ZNF274: variants seen among roughly 807,000 people sequenced by gnomAD.
The protein encoded by ZNF274 is zinc finger protein 274, also known as neurotrophin receptor-interacting factor homolog.
A neutral mutation model predicts 42.5 loss-of-function variants in ZNF274; 23 were observed. That is an observed-to-expected ratio of 0.54 (90% CI 0.39 to 0.77). The LOEUF (loss-of-function observed/expected upper bound fraction) is 0.77, where lower values mean the gene tolerates loss of function less well. Ranked by LOEUF, ZNF274 falls within the 30% of genes least tolerant of loss-of-function variation. The probability of loss-of-function intolerance (pLI) is 0.00; values close to 1 mark genes in which losing one functional copy is unlikely to be tolerated. For synonymous variants in ZNF274, 292 were observed against 305.4 expected (o/e 0.96, Z 0.46); for missense variants, 679 against 806.5 (o/e 0.84, Z 1.91).
chr19:58,184,426 G>C (rs2075671747), intron 2 of ZNF274: 1 of 159,340 alleles, frequency 6.3e-6, no homozygotes, highest in Non-Finnish European at 1.4e-5. Context: ...GAGTAGCTGG[G>C]ACTACAGGCG....
At chr19:58,205,300 AAAGT>A (rs2075968562) in intron 4 of ZNF274, among the ~76,000 whole-genome samples, 1 of 152,224 alleles carries the variant, frequency 6.6e-6, no homozygotes, top group Non-Finnish European at 1.5e-5. Context: ...ACAAATATCA[AAAGT>A]AAGTCATAAT....
chr19:58,188,491 G>C (rs1033104515), intron 4 of ZNF274, among the ~76,000 whole-genome samples: 11 of 150,590 alleles, frequency 7.3e-5, no homozygotes, highest in African/African-American at 2.7e-4. Flanking sequence ...CATGGTGGGT[G>C]CCTGTAATCC....
chr19:58,204,681 G>A (rs2075961408), intron 4 of ZNF274, among the ~76,000 whole-genome samples: 1 of 152,166 alleles, frequency 6.6e-6, no homozygotes, highest in Non-Finnish European at 1.5e-5. Context: ...AAGTAGTGCA[G>A]GTTTTACTGC....
chr19:58,198,675 TC>T (rs2075872146), intron 4 of ZNF274, among the ~76,000 whole-genome samples: 1 of 152,148 alleles, frequency 6.6e-6, no homozygotes, highest in Non-Finnish European at 1.5e-5. Context: ...CTGGTCCAGT[TC>T]CTGACACAGT....
chr19:58,197,604 G>A (rs1451130504), intron 4 of ZNF274, among the ~76,000 whole-genome samples: 1 of 152,172 alleles, frequency 6.6e-6, no homozygotes, highest in Non-Finnish European at 1.5e-5. Context: ...AGTACATAAC[G>A]TTGAGTGAAT....
At position 58,210,088 on chromosome 19, in the gene ZNF274, T is replaced by G; in HGVS notation, c.852+15T>G. On this transcript the variant is annotated intron_variant, in intron 6 of 7. Coordinates refer to ENST00000617501, the MANE Select transcript of ZNF274 (RefSeq NM_133502.3). ...TGCTCCCTGAGGTAAGCGGGGAGTA[T>G]CACCCTGTTTTGGTCACAGCATCTC... 6.2e-7 allele frequency: 1 copy of G among 1,608,190 alleles called. No homozygotes were observed. Among genetic ancestry groups the G allele is most frequent in the Non-Finnish European group, 8.5e-7 (1 of 1,175,360 alleles).
intron 2 of ZNF274, chr19:58,184,519 G>C: frequency 6.4e-6 from 1 of 156,118 alleles, no homozygotes; most frequent in South Asian, 1.7e-4. Context: ...CACCATGTTG[G>C]CCAGGCTGGT....
At chr19:58,203,458 C>T (rs1168282247) in intron 4 of ZNF274, among the ~76,000 whole-genome samples, 2 of 151,996 alleles carry the variant, frequency 1.3e-5, no homozygotes, top group Non-Finnish European at 1.5e-5. Context: ...GCGGTGGGCG[C>T]CTGTAATCCC....
intron 4 of ZNF274, among the ~76,000 whole-genome samples, chr19:58,198,859 G>A (rs1486459322): frequency 7.4e-6 from 1 of 134,702 alleles, no homozygotes; most frequent in African/African-American, 2.8e-5. Context: ...TCTGAGTACT[G>A]CCCTGAGCAG....
intron 4 of ZNF274, among the ~76,000 whole-genome samples, chr19:58,194,989 A>G (rs561278180): frequency 6.7e-4 from 101 of 151,660 alleles, no homozygotes; most frequent in Non-Finnish European, 1.2e-3. Context: ...CGACAGAGTG[A>G]GACTCCATGT....
rs1332003433 is a variant in ZNF274, at chr19:58,207,673, A to G, written c.739+471A>G. Among the ~76,000 whole-genome samples, 1 of 152,128 alleles carries G rather than the reference A, an allele frequency of 6.6e-6. No individual in the cohort carries two copies. Among genetic ancestry groups the G allele is most frequent in the Non-Finnish European group, 1.5e-5 (1 of 68,026 alleles). On this transcript the variant is annotated intron_variant, in intron 5 of 7. Transcript: ENST00000617501. This position sits in a 1 kb window ranked among gnomAD's most constrained non-coding sequence, Gnocchi z 5.6. ...GCCAGGGTAAAGAAAGGGGGCAGGA[A>G]AGATGTGCCATGCAGAGGGGAGCAC...
rs546292226 is a variant in ZNF274 at position 58,213,410 on chromosome 19, A to G, written c.*267A>G. On this transcript the variant is annotated 3_prime_UTR_variant, in exon 8 of 8. Coordinates refer to ENST00000617501, the MANE Select transcript of ZNF274 (RefSeq NM_133502.3). ...CATTTAGTCATTAAAAGTGAGATTA[A>G]TAAAATCTGAAAATGTTATATAATA... 126 of 390,236 alleles carry G rather than the reference A, an allele frequency of 3.2e-4. 1 individual carries two copies. Among genetic ancestry groups the G allele is most frequent in the African/African-American group, 2.3e-3 (117 of 49,824 alleles). 24.2% of individuals were successfully genotyped at this position (390,236 alleles called of 1,614,324 possible). A position where few individuals can be genotyped will look rare whatever the true frequency, so the allele number is the denominator to read the frequency against.
rs565686807 is a variant in ZNF274, at chr19:58,212,416, T to C, written c.1235T>C (p.Leu412Pro). 5.0e-6 allele frequency: 8 copies of C among 1,612,828 alleles called. No individual in the cohort carries two copies. Among genetic ancestry groups the C allele is most frequent in the Non-Finnish European group, 6.8e-6 (8 of 1,179,330 alleles). The change falls in exon 8 of 8, where the codon CTT becomes CCT. Residue 412 changes from leucine (L) to proline (P), a missense_variant. Leu to Pro is a moderately conservative substitution (Grantham distance 98). This residue lies in a region of ZNF274 where 456 missense variants were observed against 590.1 expected (regional missense o/e 0.77). Transcript: ENST00000617501. This position sits in a 1 kb window ranked among gnomAD's most constrained non-coding sequence, Gnocchi z 4.6. Reference protein sequence around the residue: ...NRESQANSGALDTNQVSLQKI... With the variant: ...NRESQANSGAPDTNQVSLQKI... ...GAGTCCCAGGCAAACAGTGGTGCTC[T>C]TGACACAAACCAAGTTTCGCTCCAG...
chr19:58,190,210 C>T (rs1600135759), intron 4 of ZNF274, among the ~76,000 whole-genome samples: 1 of 144,964 alleles, frequency 6.9e-6, no homozygotes, highest in Admixed American at 7.0e-5. Flanking sequence ...TAGGGCAGTG[C>T]GATCTCAGCT....
chr19:58,190,174 G>A (rs1600135710), intron 4 of ZNF274, among the ~76,000 whole-genome samples: 1 of 130,690 alleles, frequency 7.7e-6, no homozygotes, highest in Non-Finnish European at 1.6e-5. Flanking sequence ...TTTTTGAGAT[G>A]GAGTCTCCCT....
intron 4 of ZNF274, among the ~76,000 whole-genome samples, chr19:58,187,373 G>A (rs534165007): frequency 6.6e-6 from 1 of 152,328 alleles, no homozygotes; most frequent in Non-Finnish European, 1.5e-5. Flanking sequence ...AGGCTTACGT[G>A]AATGTATGTG....
rs936680018 is a variant in ZNF274 at position 58,202,330 on chromosome 19, A to G, written c.257-4390A>G. On this transcript the variant is annotated intron_variant, in intron 4 of 7. Transcript: ENST00000617501. ...GGTAGAAGTATCCTGAGAGAAGAAA[A>G]TAGTGTCAAGAGGGAGAAAGCAGCA... 3 of 152,310 alleles carry G rather than the reference A, an allele frequency of 2.0e-5. No homozygotes were observed. The East Asian group carries it at 5.8e-4, about 29-fold the overall frequency. 9.4% of individuals were successfully genotyped at this position (152,310 alleles called of 1,614,324 possible). A position where few individuals can be genotyped will look rare whatever the true frequency, so the allele number is the denominator to read the frequency against.
intron 2 of ZNF274, among the ~76,000 whole-genome samples, chr19:58,185,010 C>T (rs1415070724): frequency 6.6e-6 from 1 of 151,486 alleles, no homozygotes. Context: ...GTCCCAGCTA[C>T]TCGGGAGGCT....
Position 58,207,491 on chromosome 19 carries a change from A to T in ZNF274, c.739+289A>T, listed in dbSNP as rs1316387624. Among the ~76,000 whole-genome samples the T allele has an allele frequency of 1.3e-5, 2 of 152,222 alleles. No individual in the cohort carries two copies. The highest frequency in any genetic ancestry group is 2.9e-5 in the Non-Finnish European group (2 of 68,042). On this transcript the variant is annotated intron_variant, in intron 5 of 7. Transcript: ENST00000617501. The surrounding 1 kb of genome is among the most constrained non-coding windows in gnomAD (Gnocchi z 5.6). ...TAAGCCCTGTAGCACTTGATAAGAT[A>T]GATGGGAATACTGAGCTCAGAGAGC... is the stretch of plus-strand genomic sequence containing the variant.
Sources: allele counts gnomAD v4.1 joint callset (sites outside exome capture counted in the v4.1 genomes callset), GRCh38; gene constraint gnomAD v4.1.1; regional missense constraint gnomAD v4.1.1; non-coding constraint Gnocchi (gnomAD v3.1); transcripts MANE v1.5; gene names NCBI Gene and HGNC (gene_info 2026-07-23, HGNC 2026-07-21).